Variants in ZNF664 observed in about 807,000 individuals in gnomAD.
ZNF664 encodes zinc finger protein 664, also known as zinc finger Organ of Corti 1.
ZNF664 carries 10 observed loss-of-function variants against 18.2 expected under a neutral mutation model. The ratio of observed to expected loss-of-function variants is 0.55; its 90% CI spans 0.34 to 0.93. The LOEUF (loss-of-function observed/expected upper bound fraction) is 0.93. Among genes scored for constraint, ZNF664 ranks in the 40% least tolerant of loss-of-function variants. ZNF664 has a pLI of 0.02. For synonymous variants in ZNF664, 119 were observed against 104.2 expected (o/e 1.14, Z -0.86); for missense variants, 193 against 319.0 (o/e 0.61, Z 3.01).
chr12:124,006,848 A>C (rs1957078746), intron 3 of ZNF664, among the ~76,000 whole-genome samples: 1 of 152,162 alleles, frequency 6.6e-6, no homozygotes, highest in African/African-American at 2.4e-5. Flanking sequence ...AGGGACTTGC[A>C]GTCATGTGGG....
rs1012173967 is a variant in ZNF664, at chr12:123,974,034, C to T, written c.-757+14C>T. ...ATTCTCACCCAGGTAAACCGGCTGC[C>T]GGCGCTGTCCACTTCCCTCTGACTC... On this transcript the variant is annotated intron_variant, in intron 2 of 4. Coordinates refer to ENST00000337815, the MANE Select transcript of ZNF664 (RefSeq NM_152437.3). The T allele has an allele frequency of 2.0e-6, 2 of 1,004,116 alleles. No individual in the cohort carries two copies. The highest frequency in any genetic ancestry group is 1.3e-6 in the Non-Finnish European group (1 of 788,262). The allele number at this position is 1,004,116 out of a possible 1,614,324, so 62.2% of individuals were successfully genotyped here.
intron 2 of ZNF664, among the ~76,000 whole-genome samples, chr12:123,976,351 G>A (rs1299336631): frequency 6.6e-6 from 1 of 152,168 alleles, no homozygotes; most frequent in African/African-American, 2.4e-5. Context: ...GGAAAGTGGG[G>A]GATAATTTTC....
intron 2 of ZNF664, among the ~76,000 whole-genome samples, chr12:123,984,283 A>C (rs958110838): frequency 1.2e-4 from 19 of 152,192 alleles, no homozygotes. Context: ...GAAGGAGCCA[A>C]GGGAGTGTGG....
intron 2 of ZNF664, among the ~76,000 whole-genome samples, chr12:123,983,781 G>C (rs1956793703): frequency 1.3e-5 from 2 of 152,140 alleles, no homozygotes; most frequent in Admixed American, 6.5e-5. Context: ...ACTCGGTGTT[G>C]GCTAGAAAAC....
chr12:123,999,296 T>C (rs1956985254), intron 3 of ZNF664, among the ~76,000 whole-genome samples: 1 of 152,216 alleles, frequency 6.6e-6, no homozygotes, highest in South Asian at 2.1e-4. Context: ...GCCCTTATGC[T>C]TTGAGTGGCA....
Position 123,988,152 on chromosome 12 carries a change from T to A in ZNF664, c.-661+14T>A. The A allele has an allele frequency of 8.1e-7, 1 of 1,231,494 alleles. No homozygotes were observed. Among genetic ancestry groups the A allele is most frequent in the Non-Finnish European group, 1.0e-6 (1 of 987,792 alleles). 76.3% of individuals were successfully genotyped at this position (1,231,494 alleles called of 1,614,324 possible). On this transcript the variant is annotated intron_variant, in intron 3 of 4. Coordinates refer to ENST00000337815, the MANE Select transcript of ZNF664 (RefSeq NM_152437.3). The stretch of plus-strand genomic sequence containing the variant: ...CCTGTCACTGTGGTAAGTTTTCCCC[T>A]TGTTTCACCATTTGTCCTAGATGGA...
At chr12:123,976,957 G>C (rs543120676) in intron 2 of ZNF664, among the ~76,000 whole-genome samples, 1 of 152,022 alleles carries the variant, frequency 6.6e-6, no homozygotes, top group Non-Finnish European at 1.5e-5. Flanking sequence ...GCAGGCACCC[G>C]TATTCCCAGC....
In ZNF664 at chr12:124,014,642, G is replaced by T. The variant is rs193125383; in HGVS notation, c.*1712G>T. 1 of 167,116 alleles carries T rather than the reference G, an allele frequency of 6.0e-6. No homozygotes were observed. The highest frequency in any genetic ancestry group is 1.5e-5 in the Non-Finnish European group (1 of 68,130). The allele number at this position is 167,116 out of a possible 1,614,324, so 10.4% of individuals were successfully genotyped here. On this transcript the variant is annotated 3_prime_UTR_variant, in exon 5 of 5. Coordinates refer to ENST00000337815, the MANE Select transcript of ZNF664 (RefSeq NM_152437.3). ...GTGATCAGGTTAGTGGTGTCTGTCAGCTGTCTAAGAGGTTGGAAAATGAAC... is the reference window on the plus strand; with the variant it reads ...GTGATCAGGTTAGTGGTGTCTGTCATCTGTCTAAGAGGTTGGAAAATGAAC...
At chr12:123,986,405 T>G (rs1424830540) in intron 2 of ZNF664, among the ~76,000 whole-genome samples, 2 of 152,220 alleles carry the variant, frequency 1.3e-5, no homozygotes, top group East Asian at 3.8e-4. Flanking sequence ...TTTCTCCTCT[T>G]GCTGCCATCT....
chr12:123,974,577 T>C (rs908383127), intron 2 of ZNF664: 3 of 152,252 alleles, frequency 2.0e-5, no homozygotes, highest in African/African-American at 7.2e-5. Context: ...ACATTTTCTT[T>C]GTAAAAACAG....
At chr12:124,005,689 A>G (rs1390225439) in intron 3 of ZNF664, among the ~76,000 whole-genome samples, 1 of 152,222 alleles carries the variant, frequency 6.6e-6, no homozygotes, top group Non-Finnish European at 1.5e-5. Context: ...CTTCATTCAT[A>G]CAGCATCTGC....
intron 3 of ZNF664, chr12:123,998,521 T>C (rs1848767897): frequency 6.6e-6 from 1 of 152,546 alleles, no homozygotes; most frequent in South Asian, 2.1e-4. Flanking sequence ...TGATGACCTC[T>C]GTATACATGC....
In ZNF664 at chr12:123,973,296, A is replaced by C. The variant is rs1436773574; in HGVS notation, c.-948A>C. 5 of 981,166 alleles carry C rather than the reference A, an allele frequency of 5.1e-6. No homozygotes were observed. The East Asian group carries it at 5.9e-4, about 115-fold the overall frequency. 60.8% of individuals were successfully genotyped at this position (981,166 alleles called of 1,614,324 possible). A position where few individuals can be genotyped will look rare whatever the true frequency, so the allele number is the denominator to read the frequency against. The stretch of plus-strand genomic sequence containing the variant: ...GCGCACCTGTGAGGTGTCCCTGAGG[A>C]GAGGGAGGTGGGTGCGCGGCGCCCG... On this transcript the variant is annotated 5_prime_UTR_variant, in exon 1 of 5. Coordinates refer to ENST00000337815, the MANE Select transcript of ZNF664 (RefSeq NM_152437.3).
At chr12:124,009,832 A>C (rs1283593109) in intron 3 of ZNF664, among the ~76,000 whole-genome samples, 3 of 150,908 alleles carry the variant, frequency 2.0e-5, no homozygotes, top group South Asian at 2.1e-4. Context: ...TATTTTATAT[A>C]TTACCTTCCT....
chr12:123,996,388 A>C (rs1158165851), intron 3 of ZNF664, among the ~76,000 whole-genome samples: 1 of 152,144 alleles, frequency 6.6e-6, no homozygotes, highest in Admixed American at 6.6e-5. Flanking sequence ...GAGTGTGAGC[A>C]TAAGTGGTGG....
At chr12:123,983,596 T>A (rs183197868) in intron 2 of ZNF664, among the ~76,000 whole-genome samples, 1 of 152,376 alleles carries the variant, frequency 6.6e-6, no homozygotes, top group Admixed American at 6.5e-5. Context: ...TGATGAACTC[T>A]GCCACTTAGG....
intron 3 of ZNF664, among the ~76,000 whole-genome samples, chr12:124,007,217 A>G (rs1456021093): frequency 1.3e-5 from 2 of 152,168 alleles, no homozygotes; most frequent in Admixed American, 1.3e-4. Flanking sequence ...TGAGAATTTT[A>G]TCTGGAAGGA....
chr12:123,999,565 G>A (rs1204839085), intron 3 of ZNF664, among the ~76,000 whole-genome samples: 2 of 152,098 alleles, frequency 1.3e-5, no homozygotes, highest in South Asian at 2.1e-4. Flanking sequence ...TAATTGTATA[G>A]TTATTTAAAA....
intron 2 of ZNF664, among the ~76,000 whole-genome samples, chr12:123,984,208 G>C (rs141223290): frequency 6.6e-6 from 1 of 152,192 alleles, no homozygotes; most frequent in African/African-American, 2.4e-5. Flanking sequence ...ACAAGAGCTT[G>C]CCCGGCCAAC....
Sources: allele counts gnomAD v4.1 joint callset (sites outside exome capture counted in the v4.1 genomes callset), GRCh38; gene constraint gnomAD v4.1.1; transcripts MANE v1.5; gene names NCBI Gene and HGNC (gene_info 2026-07-23, HGNC 2026-07-21).